Variants in NPLOC4 observed in about 807,000 individuals in gnomAD.
NPLOC4 encodes the protein NPL4 homolog, ubiquitin recognition factor, also known as nuclear protein localization protein 4 homolog.
Under a neutral mutation model 80.6 loss-of-function variants are expected in NPLOC4, and 18 were observed. The ratio of observed to expected loss-of-function variants is 0.22; its 90% confidence interval spans 0.15 to 0.33. The LOEUF is 0.33. NPLOC4 is among the 10% of genes least tolerant of loss of function. NPLOC4 has a pLI of 1.00. For synonymous variants in NPLOC4, 313 were observed against 301.5 expected (o/e 1.04, Z -0.39); for missense variants, 540 against 786.1 (o/e 0.69, Z 3.74).
intron 9 of NPLOC4, among the ~76,000 whole-genome samples, chr17:81,598,842 C>T (rs1423565823): frequency 6.6e-6 from 1 of 152,214 alleles, no homozygotes; most frequent in Non-Finnish European, 1.5e-5. Flanking sequence ...GCAGACATGA[C>T]TAGCCCACTG....
At chr17:81,607,927 C>T (rs893514928) in intron 6 of NPLOC4, among the ~76,000 whole-genome samples, 2 of 152,236 alleles carry the variant, frequency 1.3e-5, no homozygotes, top group South Asian at 2.1e-4. Flanking sequence ...ACCATCTCCT[C>T]GTTGCACTGA....
intron 14 of NPLOC4, among the ~76,000 whole-genome samples, 191 bp downstream of exon 14, chr17:81,568,825 G>A (rs1309910057): frequency 6.6e-6 from 1 of 152,240 alleles, no homozygotes. Context: ...TAGCCTTTGT[G>A]GCCGTCCATC....
intron 3 of NPLOC4, among the ~76,000 whole-genome samples, chr17:81,616,224 G>A (rs2035480568): frequency 6.7e-6 from 1 of 150,254 alleles, no homozygotes; most frequent in Admixed American, 6.7e-5. Context: ...AGGAGGCTGA[G>A]ACAGGAGAAT....
chr17:81,604,372 G>A (rs2035142501), intron 8 of NPLOC4, among the ~76,000 whole-genome samples, 176 bp downstream of exon 8: 1 of 152,054 alleles, frequency 6.6e-6, no homozygotes, highest in East Asian at 1.9e-4. Context: ...ATACACTGAA[G>A]GTTTTAGGAG....
chr17:81,634,834 C>T (rs566942612), intron 1 of NPLOC4, among the ~76,000 whole-genome samples: 1 of 152,038 alleles, frequency 6.6e-6, no homozygotes, highest in African/African-American at 2.4e-5. Flanking sequence ...CCGCCCACCT[C>T]GGCCTCCCAA....
chr17:81,612,165 C>T (rs961950785), intron 4 of NPLOC4, among the ~76,000 whole-genome samples: 16 of 152,084 alleles, frequency 1.1e-4, no homozygotes, highest in Admixed American at 6.6e-4. Context: ...GAGCACAACA[C>T]GCACAATCTG....
At chr17:81,600,919 A>G (rs2035042861) in intron 8 of NPLOC4, among the ~76,000 whole-genome samples, 1 of 152,218 alleles carries the variant, frequency 6.6e-6, no homozygotes, top group South Asian at 2.1e-4. Flanking sequence ...CTTCACAGCT[A>G]AGATACTCAG....
intron 2 of NPLOC4, among the ~76,000 whole-genome samples, chr17:81,627,192 C>T (rs557954948): frequency 1.3e-5 from 2 of 151,048 alleles, no homozygotes; most frequent in East Asian, 3.9e-4. Context: ...AGATCGAGAC[C>T]ATCCTCACTA....
chr17:81,595,539 T>A (rs1025701581), intron 11 of NPLOC4, among the ~76,000 whole-genome samples: 25 of 149,150 alleles, frequency 1.7e-4, no homozygotes, highest in African/African-American at 4.9e-4. Context: ...TATATATTTT[T>A]TTTTTCTTTT....
At chr17:81,593,167 A>C (rs1008124843) in intron 11 of NPLOC4, among the ~76,000 whole-genome samples, 1 of 152,160 alleles carries the variant, frequency 6.6e-6, no homozygotes, top group Non-Finnish European at 1.5e-5. Flanking sequence ...CTGTTTTATA[A>C]ATAGCCACAA....
At chr17:81,628,213 A>G (rs1170283382) in intron 2 of NPLOC4, among the ~76,000 whole-genome samples, 1 of 143,732 alleles carries the variant, frequency 7.0e-6, no homozygotes, top group Admixed American at 7.3e-5. Flanking sequence ...TCCCTCTCAT[A>G]AAAAAAAAAA....
At chr17:81,609,162 G>A (rs2035280358) in intron 5 of NPLOC4, among the ~76,000 whole-genome samples, 2 of 152,200 alleles carry the variant, frequency 1.3e-5, no homozygotes, top group South Asian at 4.1e-4. Context: ...TAGGACTACA[G>A]GTGCACGCCA....
At chr17:81,630,477 T>C (rs1598695142) in intron 1 of NPLOC4, among the ~76,000 whole-genome samples, 1 of 150,982 alleles carries the variant, frequency 6.6e-6, no homozygotes, top group African/African-American at 2.4e-5. Flanking sequence ...AGTGACGGAG[T>C]GTCATATTTC....
At chr17:81,575,007 T>C (rs1429057332) in intron 12 of NPLOC4, among the ~76,000 whole-genome samples, 1 of 152,234 alleles carries the variant, frequency 6.6e-6, no homozygotes, top group Non-Finnish European at 1.5e-5. Flanking sequence ...AATGTGCTGC[T>C]TTTCTAAGAA....
rs2034199400 is a variant in NPLOC4, at chr17:81,572,914, G to A, written c.1282-826C>T. Among the ~76,000 whole-genome samples, 1 of 152,156 alleles carries A rather than the reference G, an allele frequency of 6.6e-6. No individual in the cohort carries two copies. The highest frequency in any genetic ancestry group is 2.1e-4 in the South Asian group (1 of 4,826). ...CACAAATGAGCGCACACACAAATAT[G>A]AAGACACGGGAACCCCACACCAATC... On this transcript the variant is annotated intron_variant, in intron 12 of 16. Coordinates refer to ENST00000331134, the MANE Select transcript of NPLOC4 (RefSeq NM_017921.4). This position sits in a 1 kb window ranked among gnomAD's most constrained non-coding sequence, Gnocchi z 4.5.
chr17:81,631,364 G>A (rs933365630), intron 1 of NPLOC4, among the ~76,000 whole-genome samples: 68 of 148,704 alleles, frequency 4.6e-4, no homozygotes, highest in African/African-American at 1.6e-3. Context: ...GGCCAACACA[G>A]CGAGACCCCA....
chr17:81,571,464 C>G (rs755924065), intron 13 of NPLOC4, among the ~76,000 whole-genome samples: 14 of 152,188 alleles, frequency 9.2e-5, no homozygotes, highest in Non-Finnish European at 1.6e-4. Flanking sequence ...TGGAGTTCCA[C>G]CCAGTAAACC....
At chr17:81,628,789 T>C (rs1230129504) in intron 2 of NPLOC4, among the ~76,000 whole-genome samples, 2 of 152,132 alleles carry the variant, frequency 1.3e-5, no homozygotes, top group African/African-American at 2.4e-5. Flanking sequence ...AAAGAAAAAC[T>C]GTCATGGGAA....
chr17:81,622,270 C>T lies in NPLOC4; in HGVS notation c.105G>A (p.Lys35=). 1.9e-6 allele frequency: 3 copies of T among 1,612,432 alleles called. No individual in the cohort carries two copies. Among genetic ancestry groups the T allele is most frequent in the Non-Finnish European group, 2.5e-6 (3 of 1,178,572 alleles). Residue 35 remains lysine, a synonymous_variant, in exon 3 of 17, where the codon AAG becomes AAA. Coordinates refer to ENST00000331134, the MANE Select transcript of NPLOC4 (RefSeq NM_017921.4). ...TAATFLKKVA[K]EFGFQNNGFS... ...AGCCATTATTTTGGAAGCCAAACTC[C>T]TTTGCAACCTAAAACAAGGCCCAAA...
Sources: allele counts gnomAD v4.1 joint callset (sites outside exome capture counted in the v4.1 genomes callset), GRCh38; gene constraint gnomAD v4.1.1; non-coding constraint Gnocchi (gnomAD v3.1); transcripts MANE v1.5; gene names NCBI Gene and HGNC (gene_info 2026-07-23, HGNC 2026-07-21).